The following TFB2M variants were observed in gnomAD, a reference collection of about 807,000 sequenced individuals.
TFB2M encodes dimethyladenosine transferase 2, mitochondrial.
In TFB2M, 44 loss-of-function variants were observed where a neutral mutation model predicts 41.3. The observed-to-expected ratio is 1.07, with a 90% CI of 0.84 to 1.37. The LOEUF is 1.37. Among genes scored for constraint, TFB2M ranks in the 40% most tolerant of loss-of-function variants. The pLI is 0.00. For synonymous variants in TFB2M, 188 were observed against 176.8 expected (o/e 1.06, Z -0.50); for missense variants, 496 against 490.2 (o/e 1.01, Z -0.11).
chr1:246,558,339 G>A (rs1458744447), intron 2 of TFB2M, among the ~76,000 whole-genome samples: 1 of 151,830 alleles, frequency 6.6e-6, no homozygotes, highest in African/African-American at 2.4e-5. Flanking sequence ...TAGCAACAGG[G>A]TTTTGCCATG....
chr1:246,544,740 G>A lies in TFB2M; in HGVS notation c.859-59C>T, dbSNP rs538327167. 4 of 1,444,700 alleles carry A rather than the reference G, an allele frequency of 2.8e-6. No individual in the cohort carries two copies. In the African/African-American group the frequency reaches 4.3e-5, roughly 16 times the overall value. The allele number at this position is 1,444,700 out of a possible 1,614,324, so 89.5% of individuals were successfully genotyped here. On this transcript the variant is annotated intron_variant, in intron 6 of 7. Coordinates refer to ENST00000366514, the MANE Select transcript of TFB2M (RefSeq NM_022366.3). ...CAAAATATTGCCAGAGTAAGACATT[G>A]CTCACTTCTTCCTTCAAGCTATCTG...
At position 246,565,848 on chromosome 1, in the gene TFB2M, G is replaced by A. The variant is rs763859548; in HGVS notation, c.291C>T (p.His97=). The change falls in exon 1 of 8, where the codon CAC becomes CAT. Residue 97 remains histidine, a synonymous_variant. Transcript: ENST00000366514. ...CACCTGGATTGCACTCCAGCAGTAGGTGTGGAGGTCTACTTGGTTTTCCCA... is the reference window on the plus strand; with the variant it reads ...CACCTGGATTGCACTCCAGCAGTAGATGTGGAGGTCTACTTGGTTTTCCCA... ...IYLGKPSRPP[H]LLLECNPGPG... 22 of 1,605,978 alleles carry A rather than the reference G, an allele frequency of 1.4e-5. No individual in the cohort carries two copies. Among genetic ancestry groups the A allele is most frequent in the Non-Finnish European group, 1.9e-5 (22 of 1,172,976 alleles).
At position 246,564,004 on chromosome 1, in the gene TFB2M, C is replaced by T. The variant is rs1659524028; in HGVS notation, c.402+342G>A. On this transcript the variant is annotated intron_variant, in intron 2 of 7. Transcript: ENST00000366514. ...CATTAACCTAATATTAGCACTTATTCCAATTAGATTCCAAGCTCACAGAAG... is the reference window on the plus strand; with the variant it reads ...CATTAACCTAATATTAGCACTTATTTCAATTAGATTCCAAGCTCACAGAAG... Among the ~76,000 whole-genome samples, 3 of 152,158 alleles carry T rather than the reference C, an allele frequency of 2.0e-5. No individual in the cohort carries two copies. The South Asian group carries it at 6.2e-4, about 32-fold the overall frequency.
chr1:246,565,366 C>T (rs1192430592), intron 1 of TFB2M, among the ~76,000 whole-genome samples: 2 of 152,182 alleles, frequency 1.3e-5, no homozygotes, highest in African/African-American at 4.8e-5. Context: ...ATTAACGATA[C>T]AGACTCTACG....
intron 7 of TFB2M, 91 bp from the exon 8 acceptor site, chr1:246,541,293 A>C: frequency 7.7e-7 from 1 of 1,291,966 alleles, no homozygotes; most frequent in African/African-American, 1.5e-5. Context: ...GTTGAATTCA[A>C]AATGTCTAAC....
At chr1:246,544,352 T>C (rs906871059) in intron 7 of TFB2M, among the ~76,000 whole-genome samples, 169 bp downstream of exon 7, 2 of 152,162 alleles carry the variant, frequency 1.3e-5, no homozygotes, top group Non-Finnish European at 2.9e-5. Flanking sequence ...ATGGGAAAAA[T>C]ATATTTTCCT....
rs539278244 is a variant in TFB2M, at chr1:246,551,742, C to G, written c.706-440G>C. On this transcript the variant is annotated intron_variant, in intron 4 of 7. Coordinates refer to ENST00000366514, the MANE Select transcript of TFB2M (RefSeq NM_022366.3). Reference sequence around the variant, plus strand: ...AGGCTGACTTGAAAGGACGAGGTTACCTCAACGAATGGGAAGGCACTCCGC... The same window carrying G: ...AGGCTGACTTGAAAGGACGAGGTTAGCTCAACGAATGGGAAGGCACTCCGC... 7.2e-5 allele frequency among the ~76,000 whole-genome samples: 11 copies of G among 152,306 alleles called. No homozygotes were observed. In the South Asian group the frequency reaches 2.3e-3, roughly 32 times the overall value.
intron 1 of TFB2M, among the ~76,000 whole-genome samples, chr1:246,565,364 T>C (rs1659595701): frequency 6.6e-6 from 1 of 152,214 alleles, no homozygotes; most frequent in African/African-American, 2.4e-5. Context: ...TCATTAACGA[T>C]ACAGACTCTA....
chr1:246,556,854 A>G (rs1659336852), intron 3 of TFB2M, 133 bp from the exon 4 acceptor site: 3 of 770,488 alleles, frequency 3.9e-6, no homozygotes, highest in Non-Finnish European at 5.9e-6. Flanking sequence ...CTAAGCCTCA[A>G]TATCTTTCCT....
chr1:246,559,360 C>T (rs1023001832), intron 2 of TFB2M, among the ~76,000 whole-genome samples: 1 of 152,092 alleles, frequency 6.6e-6, no homozygotes, highest in African/African-American at 2.4e-5. Context: ...ATGAGCACGG[C>T]CAACATGGTG....
chr1:246,545,103 GC>G lies in TFB2M; in HGVS notation c.859-423del, dbSNP rs1205062243. The stretch of plus-strand genomic sequence containing the variant: ...TTACAGGCGTGAGCCACCGTGCCCG[GC>G]CCACATTTTCTTATTGTGTACACCA... On this transcript the variant is annotated intron_variant, in intron 6 of 7. Coordinates refer to ENST00000366514, the MANE Select transcript of TFB2M (RefSeq NM_022366.3). Among the ~76,000 whole-genome samples the G allele has an allele frequency of 3.3e-5, 5 of 151,782 alleles. No individual in the cohort carries two copies. The East Asian group carries it at 7.9e-4, about 24-fold the overall frequency.
chr1:246,558,556 A>G (rs1004476768), intron 2 of TFB2M, among the ~76,000 whole-genome samples: 68 of 152,302 alleles, frequency 4.5e-4, no homozygotes, highest in African/African-American at 1.6e-3. Context: ...TTCTGACACC[A>G]TGGTTGGCCT....
chr1:246,543,132 G>C (rs535918698), intron 7 of TFB2M, among the ~76,000 whole-genome samples: 1 of 151,026 alleles, frequency 6.6e-6, no homozygotes, highest in Non-Finnish European at 1.5e-5. Context: ...AAAAATGCTC[G>C]GATTACAGGC....
rs117476897 is a variant in TFB2M, at chr1:246,548,721, T to C, written c.796-114A>G. 9.9e-5 allele frequency: 89 copies of C among 895,684 alleles called. 1 individual carries two copies. The highest frequency in any genetic ancestry group is 8.1e-4 in the South Asian group (52 of 63,922). The allele number at this position is 895,684 out of a possible 1,614,324, so 55.5% of individuals were successfully genotyped here. On this transcript the variant is annotated intron_variant, in intron 5 of 7. Transcript: ENST00000366514. ...CTAAATAAGAGAATGGTCAGTCTAA[T>C]TGGATTTAAAAGAAACATGTTATAG...
chr1:246,557,558 G>T, intron 2 of TFB2M, 24 bp from the exon 3 acceptor site: 1 of 1,537,064 alleles, frequency 6.5e-7, no homozygotes. Flanking sequence ...AAGATAACAC[G>T]TTAAAAATTT....
chr1:246,545,049 C>A (rs369475984), intron 6 of TFB2M, among the ~76,000 whole-genome samples: 13 of 134,258 alleles, frequency 9.7e-5, no homozygotes, highest in South Asian at 2.9e-4. Flanking sequence ...TCGTGATCCG[C>A]CCGCCTCGGC....
At chr1:246,548,413 TA>T (rs1260869962) in intron 6 of TFB2M, 131 bp downstream of exon 6, 5 of 681,322 alleles carry the variant, frequency 7.3e-6, no homozygotes, top group Non-Finnish European at 1.2e-5. Flanking sequence ...AGTAGTAAGA[TA>T]TGTTTAAAGA....
At position 246,541,152 on chromosome 1, in the gene TFB2M, T is replaced by A. The variant is rs184176674; in HGVS notation, c.1070A>T (p.Gln357Leu). 6.2e-7 allele frequency: 1 copy of A among 1,614,150 alleles called. No individual in the cohort carries two copies. The highest frequency in any genetic ancestry group is 2.2e-5 in the East Asian group (1 of 44,876). ...CATGTTAACTACTTTCTCATCCTCC[T>A]GTTTTCCTATTTGCATCAATATATC... ...ARDILMQIGK[Q>L]EDEKVVNMHP... Residue 357 changes from glutamine (Q) to leucine (L), a missense_variant, in exon 8 of 8, where the codon CAG becomes CTG. Coordinates refer to ENST00000366514, the MANE Select transcript of TFB2M (RefSeq NM_022366.3).
intron 1 of TFB2M, among the ~76,000 whole-genome samples, chr1:246,565,309 A>T (rs1348851802): frequency 2.0e-5 from 3 of 152,226 alleles, no homozygotes; most frequent in Admixed American, 6.5e-5. Context: ...TGTTTTATCA[A>T]AATATTGTGT....
Sources: allele counts gnomAD v4.1 joint callset (sites outside exome capture counted in the v4.1 genomes callset), GRCh38; gene constraint gnomAD v4.1.1; transcripts MANE v1.5; gene names NCBI Gene and HGNC (gene_info 2026-07-23, HGNC 2026-07-21).